Variants in KLF13 observed in about 807,000 individuals in gnomAD.
KLF13 encodes KLF transcription factor 13, also known as Krueppel-like factor 13.
KLF13 carries 8 observed loss-of-function variants against 16.7 expected under a neutral mutation model. That is an observed-to-expected ratio of 0.48 (90% CI 0.28 to 0.87). The LOEUF (loss-of-function observed/expected upper bound fraction) is 0.87. KLF13 is among the 40% of genes least tolerant of loss of function. The pLI, the probability that KLF13 is intolerant of heterozygous loss-of-function variation, is 0.10. For synonymous variants in KLF13, 245 were observed against 208.4 expected, an observed-to-expected ratio of 1.18 and a Z score of -1.51; for missense variants, 447 against 452.2, an observed-to-expected ratio of 0.99 and a Z score of 0.10.
At chr15:31,413,313 A>G (rs1380658250) in intron 1 of KLF13, among the ~76,000 whole-genome samples, 2 of 152,146 alleles carry the variant, frequency 1.3e-5, no homozygotes, top group African/African-American at 4.8e-5. Flanking sequence ...AAAGTATTCA[A>G]AGAAATAATG....
chr15:31,429,597 AT>A (rs1325321067), intron 1 of KLF13, among the ~76,000 whole-genome samples: 1 of 152,174 alleles, frequency 6.6e-6, no homozygotes, highest in Non-Finnish European at 1.5e-5. Context: ...TGTTATGTAT[AT>A]TTTACCAGAA....
chr15:31,350,091 C>A (rs2039192648), intron 1 of KLF13, among the ~76,000 whole-genome samples: 1 of 152,238 alleles, frequency 6.6e-6, no homozygotes, highest in African/African-American at 2.4e-5. Flanking sequence ...AAAATGGCCC[C>A]TAACCCTCGG....
At chr15:31,415,372 A>G (rs4332713) in intron 1 of KLF13, among the ~76,000 whole-genome samples, 1,808 of 152,338 alleles carry the variant, frequency 0.012, 33 homozygotes, top group African/African-American at 0.039. Context: ...AACATTCTCC[A>G]GACCATATGC....
At chr15:31,344,710 T>G (rs1285123291) in intron 1 of KLF13, among the ~76,000 whole-genome samples, 4 of 151,658 alleles carry the variant, frequency 2.6e-5, no homozygotes, top group Non-Finnish European at 5.9e-5. Context: ...GGTTTACAGA[T>G]TTTTATTCTA....
intron 1 of KLF13, chr15:31,366,626 C>T (rs1566819917): frequency 1.4e-5 from 2 of 143,268 alleles, no homozygotes; most frequent in Non-Finnish European, 3.1e-5. Context: ...GGTTTGAGCC[C>T]AGCAAGGAGG....
At chr15:31,391,927 C>G (rs527328856), upstream of KLF13, among the ~76,000 whole-genome samples, 404 of 152,224 alleles carry the variant, frequency 2.7e-3, 2 homozygotes, top group Non-Finnish European at 4.8e-3. Flanking sequence ...CAGAGGATTC[C>G]TGCGCGGACT....
intron 1 of KLF13, among the ~76,000 whole-genome samples, chr15:31,351,112 C>G (rs2039208988): frequency 6.6e-6 from 1 of 152,202 alleles, no homozygotes; most frequent in Non-Finnish European, 1.5e-5. Context: ...GTTGGAAAGT[C>G]TTTTCTCAGC....
At chr15:31,431,367 A>G (rs988715434) in intron 1 of KLF13, among the ~76,000 whole-genome samples, 2 of 152,248 alleles carry the variant, frequency 1.3e-5, no homozygotes, top group South Asian at 4.1e-4. Flanking sequence ...TGGAAACAAC[A>G]GAAATGTCCA....
intron 1 of KLF13, among the ~76,000 whole-genome samples, chr15:31,419,599 T>C (rs1016252903): frequency 3.3e-5 from 5 of 152,142 alleles, no homozygotes; most frequent in Non-Finnish European, 4.4e-5. Flanking sequence ...TGAAGACAGA[T>C]AATTTGAAAT....
chr15:31,360,640 G>A (rs2140956030), intron 1 of KLF13, among the ~76,000 whole-genome samples: 2 of 152,274 alleles, frequency 1.3e-5, no homozygotes, highest in Admixed American at 1.3e-4. Flanking sequence ...GGGGTCTGGA[G>A]GTTCCTAGCA....
Position 31,327,618 on chromosome 15 carries a change from G to C in KLF13, c.406G>C (p.Glu136Gln), listed in dbSNP as rs997834388. The change falls in exon 1 of 2, where the codon GAG becomes CAG. Residue 136 changes from glutamate to glutamine, a missense_variant. Coordinates refer to ENST00000307145, the MANE Select transcript of KLF13 (RefSeq NM_015995.4). Reference protein sequence around the residue: ...EPEAGLEPEREPGPAGSGEPG... With the variant: ...EPEAGLEPERQPGPAGSGEPG... ...CGAGGCGGGGCTGGAGCCCGAGCGG[G>C]AGCCGGGGCCCGCGGGGAGCGGCGA... 3 of 1,336,318 alleles carry C rather than the reference G, an allele frequency of 2.2e-6. No homozygotes were observed. The highest frequency in any genetic ancestry group is 6.3e-5 in the Admixed American group (2 of 31,660). The allele number at this position is 1,336,318 out of a possible 1,614,324, so 82.8% of individuals were successfully genotyped here.
upstream of KLF13, among the ~76,000 whole-genome samples, chr15:31,388,680 A>C (rs1323215070): frequency 6.6e-6 from 1 of 150,758 alleles, no homozygotes; most frequent in African/African-American, 2.4e-5. Context: ...ATGATGTTCA[A>C]GGACTTTGGA....
At chr15:31,385,881 G>A (rs1242024340) in intron 1 of KLF13, among the ~76,000 whole-genome samples, 1 of 152,234 alleles carries the variant, frequency 6.6e-6, no homozygotes, top group African/African-American at 2.4e-5. Flanking sequence ...AGCCATGTGA[G>A]GAAGTCTCAA....
chr15:31,432,259 G>GC (rs939725321), intron 1 of KLF13, among the ~76,000 whole-genome samples: 20 of 152,046 alleles, frequency 1.3e-4, no homozygotes, highest in Admixed American at 1.1e-3. Flanking sequence ...CTTCCTGACC[G>GC]CCTCTCTCTG....
intron 1 of KLF13, among the ~76,000 whole-genome samples, chr15:31,421,794 T>A (rs1490924363): frequency 6.6e-6 from 1 of 152,158 alleles, no homozygotes; most frequent in African/African-American, 2.4e-5. Flanking sequence ...TTCCTGTCAG[T>A]AATTTTTATA....
chr15:31,361,871 C>T (rs1413163433), intron 1 of KLF13, among the ~76,000 whole-genome samples: 1 of 143,532 alleles, frequency 7.0e-6, no homozygotes, highest in East Asian at 2.2e-4. Flanking sequence ...CCTTTCCATA[C>T]TGTGTCCCTT....
intron 1 of KLF13, among the ~76,000 whole-genome samples, chr15:31,330,764 A>G (rs2038815273): frequency 6.6e-6 from 1 of 152,250 alleles, no homozygotes; most frequent in Non-Finnish European, 1.5e-5. Context: ...TGATATTATA[A>G]CAATGCGTAA....
At chr15:31,391,754 C>T (rs961363826), upstream of KLF13, among the ~76,000 whole-genome samples, 2 of 152,160 alleles carry the variant, frequency 1.3e-5, no homozygotes, top group Admixed American at 1.3e-4. Flanking sequence ...CTGGGTGTTA[C>T]TGCGCTCCTC....
intron 1 of KLF13, among the ~76,000 whole-genome samples, chr15:31,419,924 G>A (rs1400186399): frequency 6.6e-6 from 1 of 152,162 alleles, no homozygotes; most frequent in East Asian, 1.9e-4. Context: ...TAAAGAGAGA[G>A]TCTTGAAAAT....
Sources: allele counts gnomAD v4.1 joint callset (sites outside exome capture counted in the v4.1 genomes callset), GRCh38; gene constraint gnomAD v4.1.1; transcripts MANE v1.5; gene names NCBI Gene and HGNC (gene_info 2026-07-23, HGNC 2026-07-21).